CYFIP1: variants seen among roughly 807,000 people sequenced by gnomAD.
CYFIP1 encodes cytoplasmic FMR1-interacting protein 1.
A neutral mutation model predicts 163.5 loss-of-function variants in CYFIP1; 58 were observed. The ratio of observed to expected loss-of-function variants is 0.35; its 90% confidence interval spans 0.29 to 0.44. The LOEUF (loss-of-function observed/expected upper bound fraction) is 0.44, where lower values mean the gene tolerates loss of function less well. Ranked by LOEUF, CYFIP1 falls within the 20% of genes least tolerant of loss-of-function variation. The pLI is 1.00. For missense variants in CYFIP1, 1,338 were observed against 1,653.8 expected, an observed-to-expected ratio of 0.81 and a Z score of 3.31; for synonymous variants, 663 against 660.7, an observed-to-expected ratio of 1.00 and a Z score of -0.05.
intron 26 of CYFIP1, among the ~76,000 whole-genome samples, chr15:22,876,190 C>A (rs1012921387): frequency 6.6e-6 from 1 of 151,786 alleles, no homozygotes; most frequent in African/African-American, 2.4e-5. Context: ...CAAGAAATAC[C>A]GACAATGAGA....
intron 21 of CYFIP1, chr15:22,904,209 G>A (rs749941979): frequency 1.1e-5 from 5 of 459,396 alleles, no homozygotes; most frequent in Non-Finnish European, 1.2e-5. Flanking sequence ...CCCCCCATGT[G>A]CCCGCTGAGC....
At chr15:22,911,500 A>G (rs1265602004) in intron 18 of CYFIP1, among the ~76,000 whole-genome samples, 1 of 152,094 alleles carries the variant, frequency 6.6e-6, no homozygotes, top group East Asian at 1.9e-4. Flanking sequence ...TCTGGGTGTG[A>G]GATTGGTCAG....
Position 22,918,680 on chromosome 15 carries a change from G to A in CYFIP1, c.1526+12C>T, listed in dbSNP as rs769243722. Reference sequence around the variant, plus strand: ...GTGGGCACAGCGGGCACAGGGCGTGGGGAAGGCTGACCTCTGGATGACGTT... The same window carrying A: ...GTGGGCACAGCGGGCACAGGGCGTGAGGAAGGCTGACCTCTGGATGACGTT... On this transcript the variant is annotated intron_variant, in intron 14 of 30. Coordinates refer to ENST00000617928, the MANE Select transcript of CYFIP1 (RefSeq NM_014608.6). The A allele has an allele frequency of 6.3e-7, 1 of 1,581,848 alleles. No homozygotes were observed. The highest frequency in any genetic ancestry group is 2.3e-5 in the East Asian group (1 of 43,952).
At chr15:22,972,863 C>T (rs923636440) in intron 1 of CYFIP1, among the ~76,000 whole-genome samples, 4 of 151,898 alleles carry the variant, frequency 2.6e-5, no homozygotes, top group African/African-American at 2.4e-5. Context: ...AAAAATTAGG[C>T]GGTGGCTCAC....
upstream of CYFIP1, among the ~76,000 whole-genome samples, chr15:22,980,670 G>A (rs1473730459): frequency 6.6e-6 from 1 of 152,082 alleles, no homozygotes. Context: ...GCGAAGGAAC[G>A]GGGTCCGCAC....
chr15:22,888,101 G>A (rs2059975546), intron 23 of CYFIP1, among the ~76,000 whole-genome samples: 1 of 152,182 alleles, frequency 6.6e-6, no homozygotes, highest in South Asian at 2.1e-4. Flanking sequence ...ACATGACCAA[G>A]AACGAAAAAG....
intron 1 of CYFIP1, among the ~76,000 whole-genome samples, chr15:22,963,796 C>T (rs1393847559): frequency 2.0e-5 from 3 of 152,128 alleles, no homozygotes; most frequent in East Asian, 3.9e-4. Context: ...CCCAGAGTCA[C>T]GCACTCCTGG....
At position 22,903,712 on chromosome 15, in the gene CYFIP1, G is replaced by C. The variant is rs745907534; in HGVS notation, c.2582C>G (p.Thr861Ser). The change falls in exon 22 of 31, where the codon ACC becomes AGC. Residue 861 changes from threonine (T) to serine (S), a missense_variant. By Grantham distance (58) the Thr-to-Ser change is moderately conservative. This residue lies in a region of CYFIP1 where 824 missense variants were observed against 995.7 expected (regional missense o/e 0.83). Coordinates refer to ENST00000617928, the MANE Select transcript of CYFIP1 (RefSeq NM_014608.6). Reference protein sequence around the residue: ...FLPNYCYNGSTNRFVRTVLPF... With the variant: ...FLPNYCYNGSSNRFVRTVLPF... Reference sequence around the variant, plus strand: ...GTGTGGCGGGCACGCTCACCGGTTGGTAGAGCCGTTGTAGCAGTAGTTGGG... The same window carrying C: ...GTGTGGCGGGCACGCTCACCGGTTGCTAGAGCCGTTGTAGCAGTAGTTGGG... The C allele has an allele frequency of 1.2e-6, 2 of 1,613,450 alleles. No homozygotes were observed. Among genetic ancestry groups the C allele is most frequent in the Non-Finnish European group, 1.7e-6 (2 of 1,180,030 alleles).
At position 22,910,738 on chromosome 15, in the gene CYFIP1, TTCCTGC is replaced by T. The variant is rs1163022540; in HGVS notation, c.2152_2157del (p.Ala718_Gly719del). The T allele has an allele frequency of 6.2e-7, 1 of 1,613,388 alleles. No individual in the cohort carries two copies. The highest frequency in any genetic ancestry group is 8.5e-7 in the Non-Finnish European group (1 of 1,179,308). On this transcript the variant is annotated inframe_deletion and splice_region_variant, in exon 19 of 31. Transcript: ENST00000617928. ...CAAAATCACACACCAGATACTCACC[TTCCTGC>T]CATAACCTTATAATAGGCAAATATC...
chr15:22,902,816 C>A (rs535271285), intron 22 of CYFIP1, among the ~76,000 whole-genome samples: 4 of 152,172 alleles, frequency 2.6e-5, no homozygotes, highest in Admixed American at 6.5e-5. Context: ...GGTCCTGCAC[C>A]CAGGGGTCCT....
intron 21 of CYFIP1, among the ~76,000 whole-genome samples, chr15:22,908,166 T>C (rs1688499124): frequency 6.6e-6 from 1 of 152,130 alleles, no homozygotes; most frequent in African/African-American, 2.4e-5. Flanking sequence ...GCAGCTCCCA[T>C]TCAGACGAAC....
At chr15:22,911,305 C>T (rs1400732488) in intron 18 of CYFIP1, among the ~76,000 whole-genome samples, 2 of 152,128 alleles carry the variant, frequency 1.3e-5, no homozygotes, top group African/African-American at 2.4e-5. Flanking sequence ...ACCAATCTTA[C>T]TGAGGGAGAA....
intron 23 of CYFIP1, among the ~76,000 whole-genome samples, chr15:22,886,399 G>A (rs570270929): frequency 6.6e-6 from 1 of 152,224 alleles, no homozygotes; most frequent in South Asian, 2.1e-4. Flanking sequence ...CACTTTAGCT[G>A]TATACCAAAT....
chr15:22,942,540 C>T (rs1476221005), intron 6 of CYFIP1, among the ~76,000 whole-genome samples: 1 of 152,196 alleles, frequency 6.6e-6, no homozygotes, highest in Admixed American at 6.5e-5. Flanking sequence ...CACTGCCCCA[C>T]ACTGCTCCAG....
At chr15:22,973,783 A>C (rs2063178973) in intron 1 of CYFIP1, among the ~76,000 whole-genome samples, 1 of 152,252 alleles carries the variant, frequency 6.6e-6, no homozygotes, top group South Asian at 2.1e-4. Flanking sequence ...TACAGAATGC[A>C]GGAAAATATC....
At chr15:22,968,312 A>G (rs2062978386) in intron 1 of CYFIP1, among the ~76,000 whole-genome samples, 1 of 152,212 alleles carries the variant, frequency 6.6e-6, no homozygotes, top group Non-Finnish European at 1.5e-5. Context: ...ATTAACATCT[A>G]TACCAGTAGA....
chr15:22,927,179 A>C (rs35894840), intron 12 of CYFIP1, among the ~76,000 whole-genome samples: 2,279 of 152,102 alleles, frequency 0.015, 92 homozygotes, highest in East Asian at 0.12. Context: ...TACAAAAAAA[A>C]CCAAAAAACA....
At chr15:22,891,001 C>T (rs546753814) in intron 23 of CYFIP1, among the ~76,000 whole-genome samples, 49 of 152,190 alleles carry the variant, frequency 3.2e-4, no homozygotes, top group African/African-American at 1.2e-3. Context: ...CCACCTCCCA[C>T]CCCCACCTTT....
chr15:22,929,224 CAA>C (rs201923127), intron 11 of CYFIP1, among the ~76,000 whole-genome samples: 30 of 103,590 alleles, frequency 2.9e-4, no homozygotes, highest in South Asian at 3.1e-4. Context: ...AACTCCATCT[CAA>C]AAAAAAAAAA....
Sources: allele counts gnomAD v4.1 joint callset (sites outside exome capture counted in the v4.1 genomes callset), GRCh38; gene constraint gnomAD v4.1.1; regional missense constraint gnomAD v4.1.1; transcripts MANE v1.5; gene names NCBI Gene and HGNC (gene_info 2026-07-23, HGNC 2026-07-21).